MRPL18: variants seen among roughly 807,000 people sequenced by gnomAD.
MRPL18 encodes the protein large ribosomal subunit protein uL18m.
MRPL18 carries 16 observed loss-of-function variants against 20.9 expected under a neutral mutation model. The ratio of observed to expected loss-of-function variants is 0.76; its 90% CI spans 0.52 to 1.16. The LOEUF (loss-of-function observed/expected upper bound fraction) is 1.16. MRPL18 is among the 50% of genes most tolerant of loss of function. The pLI, the probability that MRPL18 is intolerant of heterozygous loss-of-function variation, is 0.00. For missense variants in MRPL18, 233 were observed against 230.6 expected, an observed-to-expected ratio of 1.01 and a Z score of -0.07; for synonymous variants, 91 against 87.1, an observed-to-expected ratio of 1.04 and a Z score of -0.25.
Position 159,798,063 on chromosome 6 carries a change from A to G in MRPL18, c.483A>G (p.Leu161=), listed in dbSNP as rs2115013929. The G allele has an allele frequency of 6.2e-7, 1 of 1,613,702 alleles. No individual in the cohort carries two copies. The highest frequency in any genetic ancestry group is 8.5e-7 in the Non-Finnish European group (1 of 1,179,830). ...ATTTTCAAAACCAGATGAAACGACT[A>G]CAAAGTGCCATGACAGAAGGTGGTG... The part of the protein sequence containing the change: ...WEAASDSMKR[L]QSAMTEGGVV... Residue 161 remains leucine, a synonymous_variant, in exon 4 of 4, where the codon CTA becomes CTG. Transcript: ENST00000367034.
At position 159,798,173 on chromosome 6, in the gene MRPL18, T is replaced by G. The variant is rs754454084; in HGVS notation, c.*50T>G. 1.2e-5 allele frequency: 17 copies of G among 1,465,784 alleles called. No homozygotes were observed. The allele number at this position is 1,465,784 out of a possible 1,614,324, so 90.8% of individuals were successfully genotyped here. ...ATGTAAATATAAATCTGTCAGCCAC[T>G]ACAGCCATCAAAAGAGAGCATCTGG... On this transcript the variant is annotated 3_prime_UTR_variant, in exon 4 of 4. Transcript: ENST00000367034.
chr6:159,791,173 CTA>C (rs1461284061), intron 2 of MRPL18, 47 bp downstream of exon 2: 2 of 1,598,948 alleles, frequency 1.3e-6, no homozygotes, highest in African/African-American at 1.3e-5. Flanking sequence ...ACCCTACAGA[CTA>C]TTTTCATTCA....
intron 1 of MRPL18, 145 bp downstream of exon 1, chr6:159,790,784 C>A: frequency 7.3e-7 from 1 of 1,372,898 alleles, no homozygotes. Flanking sequence ...AAGTTAAGGA[C>A]GGGGTCAGTG....
At chr6:159,794,578 C>T (rs1473754500) in intron 2 of MRPL18, among the ~76,000 whole-genome samples, 3 of 152,108 alleles carry the variant, frequency 2.0e-5, no homozygotes, top group South Asian at 4.1e-4. Context: ...TTAACTCGCT[C>T]CTAGAGGGTG....
intron 2 of MRPL18, among the ~76,000 whole-genome samples, chr6:159,793,107 G>A (rs1280181386): frequency 1.3e-5 from 2 of 151,968 alleles, no homozygotes; most frequent in African/African-American, 2.4e-5. Flanking sequence ...GATTACAGAC[G>A]TGAGCCACTG....
chr6:159,790,147 C>T (rs1348001839), upstream of MRPL18: 2 of 214,496 alleles, frequency 9.3e-6, no homozygotes, highest in African/African-American at 4.6e-5. Context: ...GGAAGACAAC[C>T]ACCCTTTTTA....
chr6:159,797,605 T>C, intron 3 of MRPL18, 87 bp downstream of exon 3: 1 of 1,245,898 alleles, frequency 8.0e-7, no homozygotes, highest in East Asian at 2.4e-5. Flanking sequence ...AGTTTTTACT[T>C]ACCAAATACT....
chr6:159,793,178 G>A (rs977814106), intron 2 of MRPL18, among the ~76,000 whole-genome samples: 3 of 151,994 alleles, frequency 2.0e-5, no homozygotes, highest in Non-Finnish European at 4.4e-5. Flanking sequence ...AACTAAAGAT[G>A]TATTTCCTCA....
In MRPL18 at chr6:159,791,083, C is replaced by T. The variant is rs369716763; in HGVS notation, c.196C>T (p.Arg66Trp). 38 of 1,614,058 alleles carry T rather than the reference C, an allele frequency of 2.4e-5. No individual in the cohort carries two copies. Among genetic ancestry groups the T allele is most frequent in the Non-Finnish European group, 3.1e-5 (36 of 1,180,034 alleles). ...GCTTTTATCTGTAGCCAGGAAAGAG[C>T]GGGGCTGGCGGACGGTGTTTCCCTC... ...LELLSVARKE[R>W]GWRTVFPSRE... The change falls in exon 2 of 4, where the codon CGG becomes TGG. Residue 66 changes from arginine to tryptophan, a missense_variant. Physicochemically the swap from Arg to Trp is moderately radical, Grantham distance 101. Coordinates refer to ENST00000367034, the MANE Select transcript of MRPL18 (RefSeq NM_014161.5).
intron 2 of MRPL18, among the ~76,000 whole-genome samples, chr6:159,795,952 T>A (rs1781019159): frequency 6.6e-6 from 1 of 151,768 alleles, no homozygotes; most frequent in African/African-American, 2.4e-5. Context: ...CCTGGCTGAT[T>A]TTTTCTATTT....
chr6:159,794,768 G>A (rs1315914227), intron 2 of MRPL18, among the ~76,000 whole-genome samples: 1 of 152,122 alleles, frequency 6.6e-6, no homozygotes, highest in African/African-American at 2.4e-5. Flanking sequence ...CTCACCTGTG[G>A]GTGTTTCTTG....
intron 1 of MRPL18, 25 bp downstream of exon 1, chr6:159,790,664 C>T (rs1780854338): frequency 3.1e-6 from 5 of 1,613,238 alleles, no homozygotes; most frequent in Admixed American, 1.7e-5. Flanking sequence ...CCCCCTTCTC[C>T]CAGCTCACTC....
intron 2 of MRPL18, among the ~76,000 whole-genome samples, chr6:159,794,748 G>C (rs189285355): frequency 6.6e-6 from 1 of 152,304 alleles, no homozygotes; most frequent in African/African-American, 2.4e-5. Flanking sequence ...GAAGGGGTGG[G>C]TTGCCCCTCC....
rs1242710028 is a variant in MRPL18, at chr6:159,793,818, A to G, written c.239+2692A>G. ...TCCCAGCTACTAGGGAGGCTGAGAC[A>G]GGAGAGTGGCGTGAACCTGGGAGGC... On this transcript the variant is annotated intron_variant, in intron 2 of 3. Transcript: ENST00000367034. Among the ~76,000 whole-genome samples, 8 of 152,042 alleles carry G rather than the reference A, an allele frequency of 5.3e-5. No individual in the cohort carries two copies. In the South Asian group the frequency reaches 1.0e-3, roughly 20 times the overall value.
chr6:159,791,279 G>A (rs1156929713), intron 2 of MRPL18, among the ~76,000 whole-genome samples, 153 bp downstream of exon 2: 2 of 152,216 alleles, frequency 1.3e-5, no homozygotes, highest in East Asian at 1.9e-4. Context: ...AGGTGTGATG[G>A]GGGCTATTTA....
intron 2 of MRPL18, 105 bp downstream of exon 2, chr6:159,791,231 A>T (rs1336011721): frequency 2.1e-6 from 3 of 1,398,008 alleles, no homozygotes; most frequent in Non-Finnish European, 2.0e-6. Flanking sequence ...CGGCGGGTAG[A>T]GGCAGGGTTC....
chr6:159,792,447 T>C (rs1780925356), intron 2 of MRPL18, among the ~76,000 whole-genome samples: 1 of 152,144 alleles, frequency 6.6e-6, no homozygotes, highest in Non-Finnish European at 1.5e-5. Context: ...ATAAAGTAGA[T>C]GTTATCCCTG....
chr6:159,796,906 A>T (rs1445311811), intron 2 of MRPL18, among the ~76,000 whole-genome samples: 2 of 152,184 alleles, frequency 1.3e-5, no homozygotes, highest in African/African-American at 4.8e-5. Context: ...TTGCATTTAA[A>T]TTTTTGTTCC....
In MRPL18 at chr6:159,790,973, A is replaced by G. The variant is rs547265764; in HGVS notation, c.86A>G (p.Glu29Gly). The change falls in exon 2 of 4, where the codon GAG becomes GGG. Residue 29 changes from glutamate (E) to glycine (G), a missense_variant. By Grantham distance (98) the Glu-to-Gly change is moderately conservative. Transcript: ENST00000367034. ...CRFAALSTSS[E>G]PAAKPEVDPV... ...TTCGCAGCCCTGTCAACCAGCTCCG[A>G]GCCGGCAGCGAAACCTGAAGTGGAC... The G allele has an allele frequency of 2.5e-6, 4 of 1,614,144 alleles. No individual in the cohort carries two copies. The African/African-American group carries it at 4.0e-5, about 16-fold the overall frequency.
Sources: gnomAD v4.1 joint callset for allele counts (sites outside exome capture counted in the v4.1 genomes callset) on GRCh38, gnomAD v4.1.1 for gene constraint, MANE v1.5 for transcripts, NCBI Gene and HGNC (gene_info 2026-07-23, HGNC 2026-07-21) for gene names.